Variants in INTS7 observed in about 807,000 individuals in gnomAD.
INTS7 encodes the protein integrator complex subunit 7.
Under a neutral mutation model 109.2 loss-of-function variants are expected in INTS7, and 46 were observed. The observed-to-expected ratio is 0.42, with a 90% CI of 0.33 to 0.54. The LOEUF is 0.54. INTS7 is among the 20% of genes least tolerant of loss of function. INTS7 has a pLI of 0.07. For synonymous variants in INTS7, 412 were observed against 402.9 expected (o/e 1.02, Z -0.27); for missense variants, 929 against 1,132.4 (o/e 0.82, Z 2.58).
Position 211,967,964 on chromosome 1 carries a change from T to A in INTS7, c.2028A>T (p.Glu676Asp), listed in dbSNP as rs752080625. 6.3e-7 allele frequency: 1 copy of A among 1,587,756 alleles called. No homozygotes were observed. Among genetic ancestry groups the A allele is most frequent in the South Asian group, 1.1e-5 (1 of 88,906 alleles). The change falls in exon 15 of 20, where the codon GAA (glutamate) becomes GAT (aspartate). Residue 676 changes from glutamate to aspartate, a missense_variant. This residue lies in a region of INTS7 where 787 missense variants were observed against 901.1 expected (regional missense o/e 0.87). Coordinates refer to ENST00000366994, the MANE Select transcript of INTS7 (RefSeq NM_015434.4). ...RISNQMKQSM[E>D]EFRSLASRYG... Reference sequence around the variant, plus strand: ...ATCGAGAAGCAAGGCTTCGAAATTCTTCCATGGACTGTTTCATCTATAAAA... The same window carrying A: ...ATCGAGAAGCAAGGCTTCGAAATTCATCCATGGACTGTTTCATCTATAAAA...
intron 1 of INTS7, among the ~76,000 whole-genome samples, chr1:212,024,086 A>G (rs1239739551): frequency 1.3e-5 from 2 of 152,224 alleles, no homozygotes; most frequent in Non-Finnish European, 2.9e-5. Context: ...GTGTACCAGT[A>G]CCATGCTGTT....
intron 16 of INTS7, among the ~76,000 whole-genome samples, chr1:211,960,881 G>A (rs1571851794): frequency 1.3e-5 from 2 of 152,132 alleles, no homozygotes; most frequent in Admixed American, 6.6e-5. Flanking sequence ...CAAGTATGGT[G>A]CTGCATGCCT....
intron 16 of INTS7, among the ~76,000 whole-genome samples, chr1:211,960,729 T>C (rs1424411513): frequency 6.6e-6 from 1 of 152,166 alleles, no homozygotes; most frequent in Non-Finnish European, 1.5e-5. Context: ...AGACTGGCTT[T>C]CTGAATAAGA....
In INTS7 at chr1:211,967,451, CAA is replaced by C. The variant is rs35896290; in HGVS notation, c.2114+425_2114+426del. Among the ~76,000 whole-genome samples the C allele has an allele frequency of 3.9e-4, 32 of 82,428 alleles. No individual in the cohort carries two copies. The South Asian group carries it at 5.6e-3, about 14-fold the overall frequency. The allele number at this position is 82,428 out of a possible 152,430, so 54.1% of individuals were successfully genotyped here. A position where few individuals can be genotyped will look rare whatever the true frequency, so the allele number is the denominator to read the frequency against. On this transcript the variant is annotated intron_variant, in intron 15 of 19. Coordinates refer to ENST00000366994, the MANE Select transcript of INTS7 (RefSeq NM_015434.4). ...TGGGCAACAGAGTGAGACTCCATCTCAAAAAAAAAAAAAAAAAAAAAGTGACA... is the reference window on the plus strand; with the variant it reads ...TGGGCAACAGAGTGAGACTCCATCTCAAAAAAAAAAAAAAAAAAAGTGACA...
At chr1:211,944,302 G>A (rs1662755530) in intron 19 of INTS7, among the ~76,000 whole-genome samples, 1 of 152,164 alleles carries the variant, frequency 6.6e-6, no homozygotes, top group Admixed American at 6.5e-5. Flanking sequence ...TGACCTAGCA[G>A]GGAGGAGGTG....
At chr1:211,966,213 TC>T (rs35354663) in intron 16 of INTS7, 1 of 355,356 alleles carries the variant, frequency 2.8e-6, no homozygotes, top group African/African-American at 2.1e-5. Flanking sequence ...AAGAATGTCT[TC>T]CCAGTTATCT....
chr1:212,010,751 T>C (rs1397628032), intron 5 of INTS7, among the ~76,000 whole-genome samples: 1 of 152,186 alleles, frequency 6.6e-6, no homozygotes, highest in Non-Finnish European at 1.5e-5. Context: ...CAGTTACATG[T>C]TGTATAGGCT....
chr1:212,019,927 A>C (rs1666617504), intron 3 of INTS7, among the ~76,000 whole-genome samples, 195 bp downstream of exon 3: 1 of 152,260 alleles, frequency 6.6e-6, no homozygotes, highest in Admixed American at 6.5e-5. Flanking sequence ...ATTTATAACC[A>C]AAACAGTTAA....
intron 15 of INTS7, 36 bp from the exon 16 acceptor site, chr1:211,966,534 A>G: frequency 7.6e-7 from 1 of 1,320,376 alleles, no homozygotes. Flanking sequence ...GAAAATAGAG[A>G]AGAAACCCGC....
At chr1:212,026,179 C>T (rs1166461862) in intron 1 of INTS7, among the ~76,000 whole-genome samples, 1 of 152,086 alleles carries the variant, frequency 6.6e-6, no homozygotes, top group Non-Finnish European at 1.5e-5. Context: ...AATCTGAAGG[C>T]TTTTCCTAGT....
At chr1:211,972,293 C>T (rs185274901) in intron 13 of INTS7, among the ~76,000 whole-genome samples, 3 of 152,006 alleles carry the variant, frequency 2.0e-5, no homozygotes, top group East Asian at 1.9e-4. Context: ...GTAGGAAGAA[C>T]GCTAAGCTGG....
intron 17 of INTS7, among the ~76,000 whole-genome samples, chr1:211,951,636 T>A (rs1663097039): frequency 6.6e-6 from 1 of 151,800 alleles, no homozygotes; most frequent in Non-Finnish European, 1.5e-5. Flanking sequence ...AGAGGAAGAG[T>A]GACCAGAGCT....
chr1:211,988,168 A>G (rs1664978432), intron 7 of INTS7, among the ~76,000 whole-genome samples, 165 bp from the exon 8 acceptor site: 1 of 152,082 alleles, frequency 6.6e-6, no homozygotes, highest in Admixed American at 6.6e-5. Context: ...CATTCTGGTA[A>G]TCCCACCAGT....
At chr1:212,020,348 A>G (rs1328382967) in intron 2 of INTS7, 80 bp from the exon 3 acceptor site, 5 of 817,842 alleles carry the variant, frequency 6.1e-6, no homozygotes, top group Non-Finnish European at 9.4e-6. Context: ...ATAATATTAA[A>G]TTTTAGCAAC....
chr1:212,022,404 A>C (rs1666745749), intron 1 of INTS7, among the ~76,000 whole-genome samples: 1 of 152,252 alleles, frequency 6.6e-6, no homozygotes, highest in Admixed American at 6.5e-5. Context: ...CATTTACAAA[A>C]CACATATGTG....
intron 4 of INTS7, among the ~76,000 whole-genome samples, chr1:212,012,189 G>T (rs1169514799): frequency 6.6e-6 from 1 of 151,998 alleles, no homozygotes; most frequent in Non-Finnish European, 1.5e-5. Flanking sequence ...CTGAAAGCGT[G>T]TGAGTTTGTA....
At chr1:211,988,714 A>G (rs1015497184) in intron 7 of INTS7, among the ~76,000 whole-genome samples, 5 of 152,202 alleles carry the variant, frequency 3.3e-5, no homozygotes, top group Admixed American at 3.3e-4. Context: ...ATGTAAAACT[A>G]TTCTGAAACC....
intron 19 of INTS7, among the ~76,000 whole-genome samples, chr1:211,943,041 A>G (rs1347273226): frequency 6.6e-6 from 1 of 152,166 alleles, no homozygotes; most frequent in Non-Finnish European, 1.5e-5. Flanking sequence ...AACTGACGTC[A>G]CCAACCAATT....
chr1:211,945,970 TGA>T (rs1662828968), intron 18 of INTS7, among the ~76,000 whole-genome samples: 1 of 152,248 alleles, frequency 6.6e-6, no homozygotes, highest in South Asian at 2.1e-4. Context: ...AAGTTGGGTC[TGA>T]ATAGACTCAG....
Sources: allele counts gnomAD v4.1 joint callset (sites outside exome capture counted in the v4.1 genomes callset), GRCh38; gene constraint gnomAD v4.1.1; regional missense constraint gnomAD v4.1.1; transcripts MANE v1.5; gene names NCBI Gene and HGNC (gene_info 2026-07-23, HGNC 2026-07-21).